Variants in CHST9 observed in about 807,000 individuals in gnomAD.
CHST9 encodes the protein carbohydrate sulfotransferase 9, also known as GalNAc-4-sulfotransferase 2.
CHST9 carries 41 observed loss-of-function variants against 44.4 expected under a neutral mutation model. The ratio of observed to expected loss-of-function variants is 0.92; its 90% CI spans 0.72 to 1.20. CHST9 has a LOEUF of 1.20. CHST9 is among the 50% of genes most tolerant of loss of function. CHST9 has a pLI of 0.00. For synonymous variants in CHST9, 171 were observed against 178.4 expected, an observed-to-expected ratio of 0.96 and a Z score of 0.33; for missense variants, 504 against 516.5, an observed-to-expected ratio of 0.98 and a Z score of 0.23.
In CHST9 at chr18:26,999,359, C is replaced by T. The variant is rs572919733; in HGVS notation, c.202+24757G>A. 1.7e-4 allele frequency among the ~76,000 whole-genome samples: 26 copies of T among 152,234 alleles called. No homozygotes were observed. The South Asian group carries it at 2.7e-3, about 16-fold the overall frequency. On this transcript the variant is annotated intron_variant, in intron 4 of 5. Transcript: ENST00000618847. ...CTATTAAACTATAGCTTCTAAAATA[C>T]TCAACTTTGGATTTTCAAAATCAAT...
chr18:27,121,739 G>C (rs2058376222), intron 2 of CHST9, among the ~76,000 whole-genome samples: 1 of 152,198 alleles, frequency 6.6e-6, no homozygotes, highest in Admixed American at 6.5e-5. Flanking sequence ...TGGATGGAGA[G>C]AGCCCTGGTG....
chr18:26,955,122 A>G (rs933142896), intron 4 of CHST9, among the ~76,000 whole-genome samples: 2 of 152,100 alleles, frequency 1.3e-5, no homozygotes, highest in South Asian at 4.1e-4. Context: ...TCTGGGCCAT[A>G]TCAAATGCTT....
intron 4 of CHST9, among the ~76,000 whole-genome samples, chr18:26,972,357 CAAAAA>C (rs887066938): frequency 3.5e-4 from 23 of 65,234 alleles, no homozygotes; most frequent in African/African-American, 8.2e-4. Flanking sequence ...ACTCCAACTC[CAAAAA>C]AAAAAAAAAA....
chr18:27,108,498 A>G (rs1007731392), intron 2 of CHST9, among the ~76,000 whole-genome samples: 2 of 152,220 alleles, frequency 1.3e-5, no homozygotes, highest in African/African-American at 4.8e-5. Context: ...TCTTTAAAAG[A>G]CGGGATTTAG....
intron 4 of CHST9, among the ~76,000 whole-genome samples, chr18:27,001,433 G>A (rs946330429): frequency 6.6e-6 from 1 of 152,120 alleles, no homozygotes; most frequent in Non-Finnish European, 1.5e-5. Flanking sequence ...AAAGAAGTTT[G>A]TTTTGCAAAC....
At chr18:26,922,564 A>G in intron 5 of CHST9, among the ~76,000 whole-genome samples, 1 of 152,248 alleles carries the variant, frequency 6.6e-6, no homozygotes, top group East Asian at 1.9e-4. Flanking sequence ...TCTAAAAAAA[A>G]TATGGAAAAA....
intron 2 of CHST9, among the ~76,000 whole-genome samples, chr18:27,083,880 T>C (rs192590587): frequency 9.6e-4 from 146 of 152,286 alleles, no homozygotes; most frequent in African/African-American, 3.5e-3. Flanking sequence ...AAGCCCTTTC[T>C]ATATCTATTG....
intron 4 of CHST9, among the ~76,000 whole-genome samples, chr18:26,987,274 CG>C (rs1246420368): frequency 1.3e-5 from 2 of 152,180 alleles, no homozygotes; most frequent in Admixed American, 1.3e-4. Context: ...TCTCTTTGCA[CG>C]TGTCTGCTTC....
intron 2 of CHST9, among the ~76,000 whole-genome samples, chr18:27,096,861 T>G (rs1256355522): frequency 6.6e-6 from 1 of 151,990 alleles, no homozygotes; most frequent in Non-Finnish European, 1.5e-5. Flanking sequence ...TACAAAGAGC[T>G]GGTACCAATT....
chr18:26,917,415 A>C, intron 5 of CHST9, 65 bp from the exon 6 acceptor site: 1 of 1,505,436 alleles, frequency 6.6e-7, no homozygotes, highest in Non-Finnish European at 8.9e-7. Context: ...CTGGATAAGG[A>C]ACTTCACATA....
At chr18:27,066,158 GA>G in intron 2 of CHST9, among the ~76,000 whole-genome samples, 1 of 152,338 alleles carries the variant, frequency 6.6e-6, no homozygotes, top group Non-Finnish European at 1.5e-5. Context: ...GTCAAAAGGA[GA>G]AGAACTTGCT....
intron 4 of CHST9, among the ~76,000 whole-genome samples, chr18:26,979,421 T>C (rs1292105795): frequency 6.6e-6 from 1 of 152,224 alleles, no homozygotes; most frequent in Non-Finnish European, 1.5e-5. Flanking sequence ...TCCAATGTTA[T>C]AGTCTGCTTT....
intron 3 of CHST9, 83 bp downstream of exon 3, chr18:27,048,382 T>C: frequency 1.9e-6 from 2 of 1,058,528 alleles, no homozygotes; most frequent in Non-Finnish European, 2.8e-6. Flanking sequence ...TTAGTGTGAA[T>C]TTTTGAATAA....
intron 2 of CHST9, among the ~76,000 whole-genome samples, chr18:27,115,661 C>T (rs1208629729): frequency 6.6e-6 from 1 of 152,130 alleles, no homozygotes; most frequent in East Asian, 1.9e-4. Context: ...ACCACATGTG[C>T]ATGCCACCGA....
Position 27,012,665 on chromosome 18 carries a change from A to G in CHST9, c.202+11451T>C, listed in dbSNP as rs536783238. Among the ~76,000 whole-genome samples the G allele has an allele frequency of 2.0e-5, 3 of 152,362 alleles. No individual in the cohort carries two copies. The East Asian group carries it at 5.8e-4, about 29-fold the overall frequency. ...GAAACTATAAACAAACAAACAAAAA[A>G]GACAAATGCCTGCAGTTCAGCAAGG... On this transcript the variant is annotated intron_variant, in intron 4 of 5. Transcript: ENST00000618847.
chr18:27,062,047 G>A (rs2057728597), intron 2 of CHST9, among the ~76,000 whole-genome samples: 1 of 152,028 alleles, frequency 6.6e-6, no homozygotes, highest in Admixed American at 6.6e-5. Context: ...ATACCCCTAC[G>A]GAAGATCCAA....
At chr18:27,160,789 C>G (rs2058739935) in intron 1 of CHST9, among the ~76,000 whole-genome samples, 1 of 152,014 alleles carries the variant, frequency 6.6e-6, no homozygotes, top group Non-Finnish European at 1.5e-5. Context: ...AATTTCAGAG[C>G]CTGTTATTGG....
chr18:26,974,807 G>A (rs184519850), intron 4 of CHST9, among the ~76,000 whole-genome samples: 1 of 152,096 alleles, frequency 6.6e-6, no homozygotes, highest in Non-Finnish European at 1.5e-5. Flanking sequence ...CCGAGGAGCT[G>A]GGATTACAGG....
rs535279169 is a variant in CHST9, at chr18:26,942,980, C to T, written c.240+1349G>A. 2.4e-4 allele frequency among the ~76,000 whole-genome samples: 37 copies of T among 152,080 alleles called. No homozygotes were observed. In the South Asian group the frequency reaches 6.4e-3, roughly 26 times the overall value. On this transcript the variant is annotated intron_variant, in intron 5 of 5. Transcript: ENST00000618847. ...AAAGTTAGTTGGGCATGGTGGCACA[C>T]GCCTGTAGTCTCAGCTACTTGGGAG...
Sources: allele counts gnomAD v4.1 joint callset (sites outside exome capture counted in the v4.1 genomes callset), GRCh38; gene constraint gnomAD v4.1.1; transcripts MANE v1.5; gene names NCBI Gene and HGNC (gene_info 2026-07-23, HGNC 2026-07-21).